The following MAML1 variants were observed in gnomAD, a reference collection of about 807,000 sequenced individuals.
MAML1 encodes the protein mastermind like transcriptional coactivator 1.
Under a neutral mutation model 77.1 loss-of-function variants are expected in MAML1, and 14 were observed. The ratio of observed to expected loss-of-function variants is 0.18; its 90% CI spans 0.12 to 0.28. The LOEUF is 0.28. Ranked by LOEUF, MAML1 falls within the 10% of genes least tolerant of loss-of-function variation. MAML1 has a pLI of 1.00. For synonymous variants in MAML1, 516 were observed against 551.9 expected, an observed-to-expected ratio of 0.93 and a Z score of 0.91; for missense variants, 1,217 against 1,327.8, an observed-to-expected ratio of 0.92 and a Z score of 1.30.
In MAML1 at chr5:179,775,037, G is replaced by T. The variant is rs1191043407; in HGVS notation, c.*160G>T. ...GGCCTGGCCCTGGGCAGGGTCTGTG[G>T]CTGCGCCCCTCAGGCCAGCAGTTGA... On this transcript the variant is annotated 3_prime_UTR_variant, in exon 5 of 5. Coordinates refer to ENST00000292599, the MANE Select transcript of MAML1 (RefSeq NM_014757.5). The T allele has an allele frequency of 4.2e-6, 6 of 1,434,676 alleles. No individual in the cohort carries two copies. In the Admixed American group the frequency reaches 1.1e-4, roughly 27 times the overall value. 88.9% of individuals were successfully genotyped at this position (1,434,676 alleles called of 1,614,324 possible).
chr5:179,772,361 C>T (rs1256277441), intron 4 of MAML1, among the ~76,000 whole-genome samples: 2 of 152,160 alleles, frequency 1.3e-5, no homozygotes, highest in African/African-American at 4.8e-5. Flanking sequence ...TCGTGATCTG[C>T]CCGCCTTGGC....
intron 1 of MAML1, among the ~76,000 whole-genome samples, chr5:179,753,648 A>ATTTT (rs1463291620): frequency 8.1e-4 from 31 of 38,294 alleles, no homozygotes; most frequent in Non-Finnish European, 1.4e-3. Flanking sequence ...TTTTATTATT[A>ATTTT]TTATTATTTT....
At chr5:179,747,684 C>T (rs1779406640) in intron 1 of MAML1, among the ~76,000 whole-genome samples, 1 of 151,606 alleles carries the variant, frequency 6.6e-6, no homozygotes, top group African/African-American at 2.4e-5. Flanking sequence ...GTGGTGGGCA[C>T]CTGTAGTCCC....
In MAML1 at chr5:179,765,031, A is replaced by C. The variant is rs557127303; in HGVS notation, c.316-295A>C. On this transcript the variant is annotated intron_variant, in intron 1 of 4. Coordinates refer to ENST00000292599, the MANE Select transcript of MAML1 (RefSeq NM_014757.5). ...TGTGTGTGTGTGTGTACTCTCTGGC[A>C]TTTTTTTGTTGGCTCCATTCTTGGG... 2.4e-3 allele frequency among the ~76,000 whole-genome samples: 356 copies of C among 146,328 alleles called. 2 individuals are homozygous for C. Among genetic ancestry groups the C allele is most frequent in the African/African-American group, 8.3e-3 (338 of 40,560 alleles).
intron 1 of MAML1, among the ~76,000 whole-genome samples, chr5:179,764,048 TAGA>T (rs1779767434): frequency 6.6e-6 from 1 of 152,050 alleles, no homozygotes; most frequent in African/African-American, 2.4e-5. Flanking sequence ...GAGGAAGCAG[TAGA>T]AGGAGTCCGT....
At chr5:179,736,744 C>T (rs1779178256) in intron 1 of MAML1, among the ~76,000 whole-genome samples, 1 of 151,710 alleles carries the variant, frequency 6.6e-6, no homozygotes, top group Non-Finnish European at 1.5e-5. Context: ...GGTGGATCGC[C>T]TGAGGTCAGG....
chr5:179,770,219 T>C (rs979887959), intron 3 of MAML1, among the ~76,000 whole-genome samples: 3 of 151,952 alleles, frequency 2.0e-5, no homozygotes, highest in Admixed American at 6.6e-5. Flanking sequence ...GAGGCCGAGG[T>C]GGGCGGATCA....
At chr5:179,755,332 A>C (rs935466974) in intron 1 of MAML1, among the ~76,000 whole-genome samples, 1 of 152,174 alleles carries the variant, frequency 6.6e-6, no homozygotes, top group Admixed American at 6.6e-5. Context: ...GGGAGGTGGG[A>C]AAGTTAACTG....
rs1207266876 is a variant in MAML1 at position 179,776,230 on chromosome 5, T to G, written c.*1353T>G. ...AGAGAATGCTGAAAAGTGGCTCAGA[T>G]GCAGAGTGTTCTGTGGAGAAACTGC... On this transcript the variant is annotated 3_prime_UTR_variant, in exon 5 of 5. Transcript: ENST00000292599. 3 of 985,970 alleles carry G rather than the reference T, an allele frequency of 3.0e-6. No homozygotes were observed. The highest frequency in any genetic ancestry group is 3.6e-6 in the Non-Finnish European group (3 of 829,994). 61.1% of individuals were successfully genotyped at this position (985,970 alleles called of 1,614,324 possible).
rs912337316 is a variant in MAML1 at position 179,771,060 on chromosome 5, A to C, written c.1972-87A>C. The C allele has an allele frequency of 5.5e-5, 52 of 947,354 alleles. 2 individuals carry two copies. The highest frequency in any genetic ancestry group is 4.0e-4 in the South Asian group (30 of 75,250). The allele number at this position is 947,354 out of a possible 1,614,324, so 58.7% of individuals were successfully genotyped here. A position where few individuals can be genotyped will look rare whatever the true frequency, so the allele number is the denominator to read the frequency against. On this transcript the variant is annotated intron_variant, in intron 3 of 4. Coordinates refer to ENST00000292599, the MANE Select transcript of MAML1 (RefSeq NM_014757.5). The surrounding 1 kb of genome is among the most constrained non-coding windows in gnomAD (Gnocchi z 4.7). Reference sequence around the variant, plus strand: ...CATTTGTGAGTAACAAACTTGGATAAGTTACTTTTCTCTGACCTCCCTCAC... The same window carrying C: ...CATTTGTGAGTAACAAACTTGGATACGTTACTTTTCTCTGACCTCCCTCAC...
chr5:179,766,398 A>C lies in MAML1; in HGVS notation c.1388A>C (p.Lys463Thr). Reference protein sequence around the residue: ...SSYKQDFTNSKLLMMPSVNKS... With the variant: ...SSYKQDFTNSTLLMMPSVNKS... ...TACAAGCAAGACTTCACTAACTCCAAACTGCTCATGATGCCTAGTGTGAAT... is the reference window on the plus strand; with the variant it reads ...TACAAGCAAGACTTCACTAACTCCACACTGCTCATGATGCCTAGTGTGAAT... Residue 463 changes from lysine to threonine, a missense_variant, in exon 2 of 5, where the codon AAA becomes ACA. Physicochemically the swap from Lys to Thr is moderately conservative, Grantham distance 78. Transcript: ENST00000292599. This position sits in a 1 kb window ranked among gnomAD's most constrained non-coding sequence, Gnocchi z 4.0. 6.2e-7 allele frequency: 1 copy of C among 1,611,940 alleles called. No individual in the cohort carries two copies. The highest frequency in any genetic ancestry group is 8.5e-7 in the Non-Finnish European group (1 of 1,178,840).
chr5:179,752,422 A>G lies in MAML1; in HGVS notation c.316-12904A>G, dbSNP rs1779512928. On this transcript the variant is annotated intron_variant, in intron 1 of 4. Coordinates refer to ENST00000292599, the MANE Select transcript of MAML1 (RefSeq NM_014757.5). ...TTTTTTCTCAAAAAATACTGATTAT[A>G]TGTTAAAAAGTTCATATATATTGGG... Among the ~76,000 whole-genome samples the G allele has an allele frequency of 4.1e-5, 6 of 147,434 alleles. No homozygotes were observed. In the South Asian group the frequency reaches 1.3e-3, roughly 31 times the overall value.
chr5:179,740,420 G>A (rs999292949), intron 1 of MAML1, among the ~76,000 whole-genome samples: 1 of 152,016 alleles, frequency 6.6e-6, no homozygotes, highest in Non-Finnish European at 1.5e-5. Context: ...ACAGGTGCCC[G>A]CCACCACACC....
At chr5:179,746,210 G>T (rs1001592025) in intron 1 of MAML1, among the ~76,000 whole-genome samples, 1 of 151,790 alleles carries the variant, frequency 6.6e-6, no homozygotes, top group African/African-American at 2.4e-5. Context: ...GCCGGGTGTG[G>T]TGGCTGTTGC....
intron 1 of MAML1, among the ~76,000 whole-genome samples, chr5:179,738,238 CT>C (rs1779212203): frequency 6.6e-6 from 1 of 152,144 alleles, no homozygotes; most frequent in African/African-American, 2.4e-5. Context: ...GACTTTTATT[CT>C]CTGAACCACC....
rs1451163108 is a variant in MAML1, at chr5:179,752,338, A to ATATATAT, written c.316-12988_316-12987insTATATAT. Among the ~76,000 whole-genome samples, 190 of 50,256 alleles carry ATATATAT rather than the reference A, an allele frequency of 3.8e-3. 2 individuals carry two copies. The highest frequency in any genetic ancestry group is 7.3e-3 in the Non-Finnish European group (153 of 21,082). 33.0% of individuals were successfully genotyped at this position (50,256 alleles called of 152,430 possible). On this transcript the variant is annotated intron_variant, in intron 1 of 4. Coordinates refer to ENST00000292599, the MANE Select transcript of MAML1 (RefSeq NM_014757.5). Reference sequence around the variant, plus strand: ...AGACTCTGTCTCCAAAAAAAAAAAAAAAAAAAAAAAAAATATATATATATA... The same window carrying ATATATAT: ...AGACTCTGTCTCCAAAAAAAAAAAAATATATATAAAAAAAAAAAAATATATATATATA...
At chr5:179,744,934 C>A (rs1779351123) in intron 1 of MAML1, among the ~76,000 whole-genome samples, 1 of 150,826 alleles carries the variant, frequency 6.6e-6, no homozygotes, top group Non-Finnish European at 1.5e-5. Flanking sequence ...CTGAGCCTTG[C>A]TCTGTTGCCC....
intron 1 of MAML1, among the ~76,000 whole-genome samples, chr5:179,762,441 G>A (rs1779741310): frequency 6.6e-6 from 1 of 152,086 alleles, no homozygotes; most frequent in African/African-American, 2.4e-5. Flanking sequence ...TCAGCGGGGT[G>A]TCTTGGTGGA....
At chr5:179,754,316 C>T (rs558868376) in intron 1 of MAML1, among the ~76,000 whole-genome samples, 3 of 152,142 alleles carry the variant, frequency 2.0e-5, no homozygotes, top group Non-Finnish European at 4.4e-5. Context: ...AAATTGAAGG[C>T]AGGCATGGTG....
Sources: gnomAD v4.1 joint callset for allele counts (sites outside exome capture counted in the v4.1 genomes callset) on GRCh38, gnomAD v4.1.1 for gene constraint, Gnocchi (gnomAD v3.1) non-coding constraint, MANE v1.5 for transcripts, NCBI Gene and HGNC (gene_info 2026-07-23, HGNC 2026-07-21) for gene names.